Variants in CHL1 observed in about 807,000 individuals in gnomAD.
CHL1 encodes neural cell adhesion molecule L1-like protein.
CHL1 carries 96 observed loss-of-function variants against 141.9 expected under a neutral mutation model. That is an observed-to-expected ratio of 0.68 (90% CI 0.57 to 0.80). The LOEUF (loss-of-function observed/expected upper bound fraction) is 0.80. Among genes scored for constraint, CHL1 ranks in the 30% least tolerant of loss-of-function variants. The pLI, the probability that CHL1 is intolerant of heterozygous loss-of-function variation, is 0.00. For synonymous variants in CHL1, 613 were observed against 502.2 expected, an observed-to-expected ratio of 1.22 and a Z score of -2.95; for missense variants, 1,820 against 1,457.2, an observed-to-expected ratio of 1.25 and a Z score of -4.05.
At chr3:287,930 TAA>T (rs35113233) in intron 2 of CHL1, among the ~76,000 whole-genome samples, 37,991 of 151,982 alleles carry the variant, frequency 0.25, 4,985 homozygotes, top group Middle Eastern at 0.4. Context: ...CACGCCAGGC[TAA>T]GTTTTTTGTA....
intron 2 of CHL1, among the ~76,000 whole-genome samples, chr3:278,405 T>C (rs1696344428): frequency 6.6e-6 from 1 of 152,164 alleles, no homozygotes; most frequent in Non-Finnish European, 1.5e-5. Context: ...GAAAATACCA[T>C]GATGCCATGA....
intron 1 of CHL1, among the ~76,000 whole-genome samples, chr3:204,009 G>C (rs1699188005): frequency 6.6e-6 from 1 of 152,222 alleles, no homozygotes; most frequent in Non-Finnish European, 1.5e-5. Context: ...TTGTATTCAG[G>C]AGAATCTTCA....
chr3:312,289 A>G (rs1432906744), intron 2 of CHL1, among the ~76,000 whole-genome samples: 2 of 152,194 alleles, frequency 1.3e-5, no homozygotes, highest in Non-Finnish European at 2.9e-5. Flanking sequence ...AGGGATGATG[A>G]GTTAACACTC....
chr3:385,161 C>G (rs1351429885), intron 19 of CHL1, among the ~76,000 whole-genome samples: 1 of 152,136 alleles, frequency 6.6e-6, no homozygotes, highest in South Asian at 2.1e-4. Flanking sequence ...GTATTATCCT[C>G]CCTTAAGTTC....
At position 340,830 on chromosome 3, in the gene CHL1, T is replaced by A. The variant is rs777150868; in HGVS notation, c.422T>A (p.Leu141His). The change falls in exon 6 of 28, where the codon CTT (leucine) becomes CAT (histidine). Residue 141 changes from leucine (L) to histidine (H), a missense_variant. Leu to His is a moderately conservative substitution (Grantham distance 99, BLOSUM62 -3). Transcript: ENST00000256509. ...TTCCCAAAAGAAAAAATTGACCCTC[T>A]TGAAGTGGAGGAGGGAGATCCAATT... Reference protein sequence around the residue: ...PKFPKEKIDPLEVEEGDPIVL... With the variant: ...PKFPKEKIDPHEVEEGDPIVL... 4.3e-6 allele frequency: 7 copies of A among 1,612,126 alleles called. No individual in the cohort carries two copies. The highest frequency in any genetic ancestry group is 1.6e-4 in the Middle Eastern group (1 of 6,078).
rs146211502 is a variant in CHL1 at position 288,720 on chromosome 3, C to G, written c.-94-30963C>G. On this transcript the variant is annotated intron_variant, in intron 2 of 27. Coordinates refer to ENST00000256509, the MANE Select transcript of CHL1 (RefSeq NM_006614.4). ...GGGATGCGCTCCATCTTTGCATTCT[C>G]TATGTGTCAGGCTGTGTCCACAGGG... 4.7e-3 allele frequency among the ~76,000 whole-genome samples: 712 copies of G among 152,224 alleles called. 4 individuals are homozygous for G. The highest frequency in any genetic ancestry group is 0.016 in the African/African-American group (665 of 41,524).
At chr3:322,663 TA>T (rs1559252921) in intron 3 of CHL1, among the ~76,000 whole-genome samples, 9 of 126,084 alleles carry the variant, frequency 7.1e-5, no homozygotes, top group Non-Finnish European at 8.0e-5. Flanking sequence ...TATATATATA[TA>T]TATATAATTA....
At chr3:217,820 T>C (rs1014945273) in intron 1 of CHL1, 4 of 152,180 alleles carry the variant, frequency 2.6e-5, no homozygotes, top group Admixed American at 2.0e-4. Flanking sequence ...AATTTGTGTC[T>C]ATATGTATAT....
At chr3:314,335 A>G (rs1411707566) in intron 2 of CHL1, among the ~76,000 whole-genome samples, 1,981 of 42,238 alleles carry the variant, frequency 0.047, 124 homozygotes, top group African/African-American at 0.24. Context: ...ATGTGTATAT[A>G]TATATATATA....
chr3:246,327 C>T (rs774083171), intron 2 of CHL1, among the ~76,000 whole-genome samples: 26 of 152,022 alleles, frequency 1.7e-4, no homozygotes, highest in Non-Finnish European at 2.1e-4. Flanking sequence ...CCTTCTTGCT[C>T]GTAGCCCTGC....
chr3:375,988 C>A (rs1430335791), intron 15 of CHL1, among the ~76,000 whole-genome samples: 1 of 152,022 alleles, frequency 6.6e-6, no homozygotes, highest in Non-Finnish European at 1.5e-5. Flanking sequence ...ATGAAGGAGT[C>A]GAGTGGTTTT....
intron 1 of CHL1, among the ~76,000 whole-genome samples, chr3:220,525 T>G (rs466892): frequency 6.6e-6 from 1 of 151,172 alleles, no homozygotes; most frequent in Non-Finnish European, 1.5e-5. Context: ...GTTTTTTTTT[T>G]AAAAAAAGGT....
chr3:302,064 C>G (rs904124184), intron 2 of CHL1, among the ~76,000 whole-genome samples: 15 of 152,180 alleles, frequency 9.9e-5, no homozygotes, highest in Non-Finnish European at 4.4e-5. Context: ...CATGTCCCTG[C>G]AAAGGACAAG....
At chr3:254,008 G>A (rs73005684) in intron 2 of CHL1, among the ~76,000 whole-genome samples, 25,236 of 152,130 alleles carry the variant, frequency 0.17, 2,354 homozygotes, top group East Asian at 0.39. Context: ...CAAATGGAGG[G>A]ACAAAGAGCT....
rs1270443383 is a variant in CHL1, at chr3:322,669, TA to T, written c.91+2804del. On this transcript the variant is annotated intron_variant, in intron 3 of 27. Coordinates refer to ENST00000256509, the MANE Select transcript of CHL1 (RefSeq NM_006614.4). Reference sequence around the variant, plus strand: ...AAATATATATATATATATATATATATAATTATATATATATATATAAAACGAA... The same window carrying T: ...AAATATATATATATATATATATATATATTATATATATATATATAAAACGAA... Among the ~76,000 whole-genome samples, 69 of 132,196 alleles carry T rather than the reference TA, an allele frequency of 5.2e-4. No homozygotes were observed. In the East Asian group the frequency reaches 0.012, roughly 22 times the overall value. The allele number at this position is 132,196 out of a possible 152,430, so 86.7% of individuals were successfully genotyped here.
chr3:315,814 A>G (rs1208349550), intron 2 of CHL1, among the ~76,000 whole-genome samples: 1 of 152,042 alleles, frequency 6.6e-6, no homozygotes, highest in Non-Finnish European at 1.5e-5. Context: ...TGTCAAGAAA[A>G]TTTAGAACAT....
intron 2 of CHL1, among the ~76,000 whole-genome samples, chr3:306,883 A>G (rs1382990535): frequency 6.6e-6 from 1 of 152,206 alleles, no homozygotes; most frequent in Non-Finnish European, 1.5e-5. Context: ...CATCCCTGTC[A>G]CTACAAGATC....
intron 2 of CHL1, among the ~76,000 whole-genome samples, chr3:317,453 C>A (rs534478348): frequency 1.3e-5 from 2 of 151,826 alleles, no homozygotes; most frequent in African/African-American, 4.8e-5. Context: ...TCTGGAAATA[C>A]GATCTCCTAG....
chr3:265,442 A>G (rs1049476880), intron 2 of CHL1, among the ~76,000 whole-genome samples: 2 of 152,342 alleles, frequency 1.3e-5, no homozygotes, highest in African/African-American at 2.4e-5. Context: ...CTGTAACTCA[A>G]ATAATTGTGC....
Sources: gnomAD v4.1 joint callset for allele counts (sites outside exome capture counted in the v4.1 genomes callset) on GRCh38, gnomAD v4.1.1 for gene constraint, MANE v1.5 for transcripts, NCBI Gene and HGNC (gene_info 2026-07-23, HGNC 2026-07-21) for gene names.